The following ABCC4 variants were observed in gnomAD, a reference collection of about 807,000 sequenced individuals.
ABCC4 encodes ATP-binding cassette sub-family C member 4.
In ABCC4, 102 loss-of-function variants were observed where a neutral mutation model predicts 168.5. The ratio of observed to expected loss-of-function variants is 0.61; its 90% confidence interval spans 0.52 to 0.71. The LOEUF is 0.71. ABCC4 is among the 30% of genes least tolerant of loss of function. ABCC4 has a pLI of 0.00. For synonymous variants in ABCC4, 617 were observed against 590.7 expected (o/e 1.04, Z -0.65); for missense variants, 1,402 against 1,605.8 (o/e 0.87, Z 2.17).
chr13:95,130,653 A>G (rs527303597), intron 19 of ABCC4, among the ~76,000 whole-genome samples: 1 of 152,374 alleles, frequency 6.6e-6, no homozygotes, highest in Admixed American at 6.5e-5. Flanking sequence ...AATAAAGTAC[A>G]TTGTAACCCA....
chr13:95,029,695 G>C (rs1213268440), intron 30 of ABCC4, among the ~76,000 whole-genome samples: 2 of 152,174 alleles, frequency 1.3e-5, no homozygotes, highest in Non-Finnish European at 2.9e-5. Context: ...TAAGAGTTCA[G>C]TCTACAGTCT....
chr13:95,244,995 C>T (rs1404378828), intron 3 of ABCC4, among the ~76,000 whole-genome samples: 1 of 152,110 alleles, frequency 6.6e-6, no homozygotes, highest in African/African-American at 2.4e-5. Context: ...GTAAAGATTA[C>T]CATGCTCCTT....
At chr13:95,082,313 T>A (rs1301088978) in intron 21 of ABCC4, among the ~76,000 whole-genome samples, 4 of 152,226 alleles carry the variant, frequency 2.6e-5, no homozygotes, top group Non-Finnish European at 5.9e-5. Flanking sequence ...TGTGCATGCA[T>A]AATGAGATGA....
At chr13:95,157,778 C>T (rs541157273) in intron 19 of ABCC4, among the ~76,000 whole-genome samples, 2 of 152,056 alleles carry the variant, frequency 1.3e-5, no homozygotes, top group Non-Finnish European at 2.9e-5. Flanking sequence ...TTCCTAGAAA[C>T]AGAAACTTCA....
intron 20 of ABCC4, among the ~76,000 whole-genome samples, chr13:95,092,072 T>A (rs905844784): frequency 6.6e-6 from 1 of 152,140 alleles, no homozygotes; most frequent in African/African-American, 2.4e-5. Context: ...AAGAGGGACA[T>A]TATCTAACAG....
At chr13:95,281,278 C>G (rs1269640722) in intron 1 of ABCC4, among the ~76,000 whole-genome samples, 1 of 134,020 alleles carries the variant, frequency 7.5e-6, no homozygotes, top group African/African-American at 2.9e-5. Flanking sequence ...CCACTGCACT[C>G]CTGGGCGACA....
intron 1 of ABCC4, among the ~76,000 whole-genome samples, chr13:95,271,479 T>C (rs569935902): frequency 2.0e-4 from 31 of 152,314 alleles, no homozygotes; most frequent in African/African-American, 7.0e-4. Flanking sequence ...ACACAGAGGT[T>C]GTTTATTCTC....
intron 1 of ABCC4, among the ~76,000 whole-genome samples, chr13:95,251,684 C>G (rs1455734611): frequency 1.3e-5 from 2 of 152,182 alleles, no homozygotes; most frequent in Non-Finnish European, 2.9e-5. Flanking sequence ...GGTTTGTGCT[C>G]AGACCTGCAG....
intron 19 of ABCC4, among the ~76,000 whole-genome samples, chr13:95,158,602 A>T (rs2036960197): frequency 6.6e-6 from 1 of 152,186 alleles, no homozygotes. Flanking sequence ...CTTGCTTTTA[A>T]TAACTAAGTA....
intron 19 of ABCC4, among the ~76,000 whole-genome samples, chr13:95,119,306 T>C (rs533682811): frequency 1.2e-3 from 179 of 152,250 alleles, no homozygotes; most frequent in African/African-American, 4.1e-3. Context: ...ATAAGAAGTA[T>C]CTCAAGGCAT....
chr13:95,162,256 C>T (rs1229369455), intron 18 of ABCC4, among the ~76,000 whole-genome samples: 1 of 152,102 alleles, frequency 6.6e-6, no homozygotes, highest in East Asian at 1.9e-4. Context: ...AAGGTAAACA[C>T]CTAACAGATT....
At chr13:95,069,712 T>C (rs2033663496) in intron 25 of ABCC4, among the ~76,000 whole-genome samples, 1 of 152,304 alleles carries the variant, frequency 6.6e-6, no homozygotes. Flanking sequence ...GCACCGTCCT[T>C]AGGTGTCTGG....
chr13:95,170,781 C>T (rs555952771), intron 13 of ABCC4, among the ~76,000 whole-genome samples, 153 bp from the exon 14 acceptor site: 9 of 152,200 alleles, frequency 5.9e-5, no homozygotes, highest in Non-Finnish European at 1.0e-4. Flanking sequence ...CCAATAAAGC[C>T]GGCTAGGTCC....
intron 19 of ABCC4, among the ~76,000 whole-genome samples, chr13:95,158,268 G>T (rs1237038661): frequency 6.6e-6 from 1 of 152,102 alleles, no homozygotes; most frequent in Non-Finnish European, 1.5e-5. Context: ...ACACAGATGA[G>T]GATCTGGGCA....
At chr13:95,170,356 C>A (rs530078547) in intron 14 of ABCC4, 176 bp downstream of exon 14, 1 of 481,676 alleles carries the variant, frequency 2.1e-6, no homozygotes, top group Non-Finnish European at 3.7e-6. Context: ...ATTTTACATA[C>A]TTTACGGTAA....
intron 30 of ABCC4, 53 bp from the exon 31 acceptor site, chr13:95,021,735 C>A: frequency 7.7e-7 from 1 of 1,295,034 alleles, no homozygotes; most frequent in South Asian, 1.3e-5. Flanking sequence ...TTTAAAGTCT[C>A]CTCCCTGAAA....
Position 95,062,764 on chromosome 13 carries a change from C to G in ABCC4, c.3306G>C (p.Lys1102Asn), listed in dbSNP as rs1446487240. The G allele has an allele frequency of 6.2e-7, 1 of 1,613,930 alleles. No individual in the cohort carries two copies. The highest frequency in any genetic ancestry group is 8.5e-7 in the Non-Finnish European group (1 of 1,179,962). The change falls in exon 26 of 31, where the codon AAG becomes AAC. Residue 1102 changes from lysine (K) to asparagine (N), a missense_variant. Transcript: ENST00000645237. ...SEPEGKIWID[K>N]ILTTEIGLHD... ...GAAGTCCAATTTCAGTTGTCAAGATCTTATCAATCCAAATTTTACCTTCGG... is the reference window on the plus strand; with the variant it reads ...GAAGTCCAATTTCAGTTGTCAAGATGTTATCAATCCAAATTTTACCTTCGG...
At chr13:95,036,297 G>C (rs904172881) in intron 29 of ABCC4, among the ~76,000 whole-genome samples, 1 of 152,192 alleles carries the variant, frequency 6.6e-6, no homozygotes. Context: ...TATTCCCACA[G>C]AGTTGAGAGT....
At chr13:95,156,694 A>G (rs1678396) in intron 19 of ABCC4, among the ~76,000 whole-genome samples, 68,614 of 151,952 alleles carry the variant, frequency 0.45, 17,042 homozygotes, top group African/African-American at 0.67. Context: ...CTGAAAATGT[A>G]AGGCTTCTTA....
Sources: allele counts gnomAD v4.1 joint callset (sites outside exome capture counted in the v4.1 genomes callset), GRCh38; gene constraint gnomAD v4.1.1; transcripts MANE v1.5; gene names NCBI Gene and HGNC (gene_info 2026-07-23, HGNC 2026-07-21).